The following ATF7 variants were observed in gnomAD, a reference collection of about 807,000 sequenced individuals.
ATF7 encodes the protein activating transcription factor 7.
Under a neutral mutation model 50.4 loss-of-function variants are expected in ATF7, and 10 were observed. The observed-to-expected ratio is 0.20, with a 90% CI of 0.12 to 0.34. The LOEUF (loss-of-function observed/expected upper bound fraction) is 0.34, where lower values mean the gene tolerates loss of function less well. ATF7 is among the 10% of genes least tolerant of loss of function. The pLI, the probability that ATF7 is intolerant of heterozygous loss-of-function variation, is 1.00. For missense variants in ATF7, 465 were observed against 613.9 expected (o/e 0.76, Z 2.56); for synonymous variants, 201 against 226.4 (o/e 0.89, Z 1.01).
At chr12:53,535,981 G>A (rs1456379034) in intron 5 of ATF7, among the ~76,000 whole-genome samples, 2 of 151,786 alleles carry the variant, frequency 1.3e-5, no homozygotes, top group Non-Finnish European at 2.9e-5. Context: ...TTGCACCACT[G>A]CACTCCAGCC....
At chr12:53,609,932 T>C (rs1252079634) in intron 1 of ATF7, among the ~76,000 whole-genome samples, 1 of 149,480 alleles carries the variant, frequency 6.7e-6, no homozygotes, top group African/African-American at 2.4e-5. Flanking sequence ...TTCTCATGCC[T>C]CAGCCTCTTG....
chr12:53,574,209 A>C (rs573642144), intron 2 of ATF7, among the ~76,000 whole-genome samples: 1 of 152,216 alleles, frequency 6.6e-6, no homozygotes, highest in African/African-American at 2.4e-5. Context: ...GATGGATAAT[A>C]TAAGAAGAGA....
intron 2 of ATF7, among the ~76,000 whole-genome samples, chr12:53,556,597 C>T (rs1199133528): frequency 3.9e-5 from 6 of 151,998 alleles, no homozygotes; most frequent in Admixed American, 2.0e-4. Flanking sequence ...GACTCCATCT[C>T]AAAAAAACAA....
intron 7 of ATF7, 65 bp downstream of exon 7, chr12:53,533,095 C>T (rs1033881272): frequency 7.2e-7 from 1 of 1,397,834 alleles, no homozygotes; most frequent in African/African-American, 1.4e-5. Flanking sequence ...TATTTTATGA[C>T]CATTCAGGTG....
chr12:53,577,201 A>C (rs991023626), intron 2 of ATF7, among the ~76,000 whole-genome samples: 9 of 152,052 alleles, frequency 5.9e-5, no homozygotes, highest in Non-Finnish European at 1.3e-4. Flanking sequence ...TTGGAGGATG[A>C]CTTGAGCCCA....
At chr12:53,581,780 G>C (rs1468868663) in intron 2 of ATF7, among the ~76,000 whole-genome samples, 1 of 151,474 alleles carries the variant, frequency 6.6e-6, no homozygotes, top group African/African-American at 2.4e-5. Context: ...AAAACTAGGG[G>C]GAAAAAGAGC....
At chr12:53,605,389 CAAAAAAAAAA>C (rs11433998) in intron 1 of ATF7, among the ~76,000 whole-genome samples, 1 of 102,004 alleles carries the variant, frequency 9.8e-6, no homozygotes, top group Admixed American at 1.2e-4. Flanking sequence ...AATTCTGTCT[CAAAAAAAAAA>C]AAAAAAAAAA....
intron 9 of ATF7, 30 bp downstream of exon 9, chr12:53,531,714 G>A: frequency 6.3e-7 from 1 of 1,588,280 alleles, no homozygotes; most frequent in Non-Finnish European, 8.6e-7. Context: ...ACGTCATAAA[G>A]ATATGACATA....
At chr12:53,623,413 G>A (rs912313240) in intron 1 of ATF7, among the ~76,000 whole-genome samples, 12 of 152,126 alleles carry the variant, frequency 7.9e-5, no homozygotes, top group African/African-American at 1.9e-4. Context: ...CTCCAAAATC[G>A]TAGGACCATT....
intron 2 of ATF7, among the ~76,000 whole-genome samples, chr12:53,559,626 C>T (rs1319491880): frequency 1.4e-5 from 2 of 146,452 alleles, no homozygotes; most frequent in African/African-American, 5.2e-5. Flanking sequence ...TTGCAGTGAG[C>T]CAAGATCATG....
chr12:53,604,217 A>C (rs912079190), intron 1 of ATF7, among the ~76,000 whole-genome samples: 3 of 152,246 alleles, frequency 2.0e-5, no homozygotes, highest in Admixed American at 6.5e-5. Context: ...AAGCTGTCCT[A>C]GAGGCCAACA....
chr12:53,547,264 G>A (rs919058165), intron 3 of ATF7, among the ~76,000 whole-genome samples: 11 of 145,018 alleles, frequency 7.6e-5, no homozygotes, highest in Non-Finnish European at 1.6e-4. Flanking sequence ...GATTACAGGT[G>A]TGAGCCACCG....
At chr12:53,557,571 C>T (rs1940830629) in intron 2 of ATF7, among the ~76,000 whole-genome samples, 1 of 152,166 alleles carries the variant, frequency 6.6e-6, no homozygotes, top group Non-Finnish European at 1.5e-5. Context: ...AAGGTTTTGG[C>T]AAATAGCCAC....
chr12:53,547,372 G>A (rs750416114), intron 3 of ATF7, among the ~76,000 whole-genome samples: 3 of 128,530 alleles, frequency 2.3e-5, no homozygotes, highest in Non-Finnish European at 3.2e-5. Flanking sequence ...TGCAACCTCC[G>A]CCTCCCGGGT....
chr12:53,604,643 A>C (rs912045378), intron 1 of ATF7, among the ~76,000 whole-genome samples: 1 of 152,210 alleles, frequency 6.6e-6, no homozygotes, highest in Non-Finnish European at 1.5e-5. Context: ...GCCCAACTCT[A>C]AGCAAGGAAT....
chr12:53,567,052 T>G (rs897829425), intron 2 of ATF7, among the ~76,000 whole-genome samples: 1 of 152,226 alleles, frequency 6.6e-6, no homozygotes, highest in Non-Finnish European at 1.5e-5. Flanking sequence ...GCGCCCAGCC[T>G]GTGTTCACAC....
intron 4 of ATF7, among the ~76,000 whole-genome samples, chr12:53,540,843 A>G (rs1939510073): frequency 6.6e-6 from 1 of 152,106 alleles, no homozygotes; most frequent in Admixed American, 6.6e-5. Context: ...TTGACCTCCT[A>G]GGCTCAGCCT....
At chr12:53,612,575 G>A (rs1943933950) in intron 1 of ATF7, among the ~76,000 whole-genome samples, 4 of 152,102 alleles carry the variant, frequency 2.6e-5, no homozygotes, top group Admixed American at 2.6e-4. Context: ...CCCAACAGCT[G>A]CATTTTTCAA....
intron 1 of ATF7, among the ~76,000 whole-genome samples, chr12:53,613,384 T>C (rs1943980462): frequency 6.6e-6 from 1 of 152,244 alleles, no homozygotes; most frequent in Non-Finnish European, 1.5e-5. Context: ...TAGTTATTTA[T>C]GTTAACATGT....
Sources: gnomAD v4.1 joint callset for allele counts (sites outside exome capture counted in the v4.1 genomes callset) on GRCh38, gnomAD v4.1.1 for gene constraint, MANE v1.5 for transcripts, NCBI Gene and HGNC (gene_info 2026-07-23, HGNC 2026-07-21) for gene names.